The following CCDC158 variants were observed in gnomAD, a reference collection of about 807,000 sequenced individuals.
The protein encoded by CCDC158 is coiled-coil domain-containing protein 158.
In CCDC158, 116 loss-of-function variants were observed where a neutral mutation model predicts 138.6. That is an observed-to-expected ratio of 0.84 (90% CI 0.72 to 0.98). CCDC158 has a LOEUF of 0.98. CCDC158 is among the 50% of genes least tolerant of loss of function. The probability of loss-of-function intolerance (pLI) is 0.00; values close to 1 mark genes in which losing one functional copy is unlikely to be tolerated. For synonymous variants in CCDC158, 436 were observed against 442.4 expected (o/e 0.99, Z 0.18); for missense variants, 1,265 against 1,306.1 (o/e 0.97, Z 0.48).
At chr4:76,420,606 C>T (rs1217303816) in intron 1 of CCDC158, among the ~76,000 whole-genome samples, 2 of 152,228 alleles carry the variant, frequency 1.3e-5, no homozygotes, top group Non-Finnish European at 2.9e-5. Flanking sequence ...TCCTCTCTAC[C>T]ACCAAGTCTT....
Position 76,354,233 on chromosome 4 carries a change from C to CAA in CCDC158, c.2287-954_2287-953dup, listed in dbSNP as rs749565764. Among the ~76,000 whole-genome samples the CAA allele has an allele frequency of 6.4e-3, 405 of 63,760 alleles. 2 individuals carry two copies. The highest frequency in any genetic ancestry group is 0.016 in the African/African-American group (267 of 16,588). 41.8% of individuals were successfully genotyped at this position (63,760 alleles called of 152,430 possible). A position where few individuals can be genotyped will look rare whatever the true frequency, so the allele number is the denominator to read the frequency against. ...AAGCACTGCTTTAGGTTCCCAAAGG[C>CAA]AAAAAAAAAAAAAAAAAAAAAAAGG... On this transcript the variant is annotated intron_variant, in intron 15 of 24. Coordinates refer to ENST00000682701, the MANE Select transcript of CCDC158 (RefSeq NM_001394954.1).
chr4:76,323,485 T>A, intron 23 of CCDC158, 76 bp from the exon 24 acceptor site: 1 of 1,147,588 alleles, frequency 8.7e-7, no homozygotes, highest in Non-Finnish European at 1.2e-6. Context: ...AATTAAAGGC[T>A]AAACAATTTT....
chr4:76,388,416 C>T (rs1426351328), intron 4 of CCDC158, among the ~76,000 whole-genome samples: 2 of 152,062 alleles, frequency 1.3e-5, no homozygotes, highest in African/African-American at 4.8e-5. Flanking sequence ...ATCAAAGAGC[C>T]CTTGGCTTTA....
At chr4:76,362,494 C>A (rs115337589) in intron 12 of CCDC158, among the ~76,000 whole-genome samples, 179 bp from the exon 13 acceptor site, 319 of 152,250 alleles carry the variant, frequency 2.1e-3, no homozygotes, top group African/African-American at 7.5e-3. Context: ...TCCCAGGACA[C>A]TAAATTTGTA....
At position 76,379,402 on chromosome 4, in the gene CCDC158, T is replaced by C; in HGVS notation, c.917A>G (p.Glu306Gly). The C allele has an allele frequency of 6.3e-7, 1 of 1,589,050 alleles. No homozygotes were observed. The highest frequency in any genetic ancestry group is 1.3e-5 in the African/African-American group (1 of 74,284). Residue 306 changes from glutamate (E) to glycine (G), a missense_variant and splice_region_variant, in exon 9 of 25, where the codon GAG (glutamate) becomes GGG (glycine). Coordinates refer to ENST00000682701, the MANE Select transcript of CCDC158 (RefSeq NM_001394954.1). ...CATAGAGTTTTGGTTTCTTGCTTGC[T>C]CTCTAAGAAGAGTTTAGAAGGGGAA... ...SIQSQMEIIQEQARNQNSMYM... is the reference protein window; with the variant it reads ...SIQSQMEIIQGQARNQNSMYM...
chr4:76,381,368 A>C (rs1467940061), intron 8 of CCDC158, among the ~76,000 whole-genome samples: 1 of 152,232 alleles, frequency 6.6e-6, no homozygotes. Flanking sequence ...GCCTTGCATC[A>C]GTGTGCCCTG....
chr4:76,360,552 C>T (rs1382346271), intron 13 of CCDC158, among the ~76,000 whole-genome samples: 2 of 152,250 alleles, frequency 1.3e-5, no homozygotes, highest in East Asian at 1.9e-4. Flanking sequence ...CCACCCCTTA[C>T]ATCAGCATGC....
At chr4:76,419,383 A>G (rs1729938504) in intron 1 of CCDC158, among the ~76,000 whole-genome samples, 2 of 152,214 alleles carry the variant, frequency 1.3e-5, no homozygotes, top group African/African-American at 4.8e-5. Flanking sequence ...CATATGTATT[A>G]GTTCCCTACA....
intron 9 of CCDC158, chr4:76,375,819 A>G: frequency 1.9e-6 from 1 of 534,286 alleles, no homozygotes; most frequent in African/African-American, 1.9e-5. Flanking sequence ...CCAGCATAAA[A>G]TAACTGTGTT....
At chr4:76,356,373 T>C (rs1289438227) in intron 14 of CCDC158, among the ~76,000 whole-genome samples, 1 of 3,736 alleles carries the variant, frequency 2.7e-4, no homozygotes, top group Non-Finnish European at 7.2e-4. Flanking sequence ...AAAACAAATG[T>C]TTTTTTTTTT....
At chr4:76,341,263 C>T (rs1190634786) in intron 18 of CCDC158, among the ~76,000 whole-genome samples, 2 of 152,096 alleles carry the variant, frequency 1.3e-5, no homozygotes, top group Non-Finnish European at 2.9e-5. Flanking sequence ...TACTCCTCAA[C>T]CAGTTCTGTC....
intron 10 of CCDC158, among the ~76,000 whole-genome samples, chr4:76,370,889 G>A (rs1317158779): frequency 6.6e-6 from 1 of 152,088 alleles, no homozygotes; most frequent in Non-Finnish European, 1.5e-5. Flanking sequence ...CTGGAATGGG[G>A]TTTGGTAAGC....
intron 12 of CCDC158, among the ~76,000 whole-genome samples, chr4:76,366,365 A>C (rs1292771119): frequency 6.6e-6 from 1 of 152,230 alleles, no homozygotes; most frequent in Admixed American, 6.5e-5. Flanking sequence ...TATTTTTAGA[A>C]GGAGGAAACT....
intron 9 of CCDC158, among the ~76,000 whole-genome samples, chr4:76,373,308 ATATCT>A (rs1156306547): frequency 6.6e-6 from 1 of 152,232 alleles, no homozygotes; most frequent in Non-Finnish European, 1.5e-5. Flanking sequence ...TTATATGGTG[ATATCT>A]TAACTTTAAG....
intron 1 of CCDC158, among the ~76,000 whole-genome samples, chr4:76,414,609 G>A (rs908436860): frequency 2.3e-4 from 35 of 152,328 alleles, no homozygotes; most frequent in African/African-American, 8.2e-4. Flanking sequence ...TCCCACGTGT[G>A]TGGGAGGGAC....
chr4:76,411,713 G>C (rs960631752), intron 2 of CCDC158, among the ~76,000 whole-genome samples: 1 of 152,154 alleles, frequency 6.6e-6, no homozygotes, highest in Admixed American at 6.5e-5. Flanking sequence ...GTGAGAGCAT[G>C]GGCAGACCTT....
chr4:76,319,801 C>A (rs1719836644), intron 24 of CCDC158, among the ~76,000 whole-genome samples: 1 of 151,832 alleles, frequency 6.6e-6, no homozygotes, highest in Non-Finnish European at 1.5e-5. Context: ...TCAAGGTAAC[C>A]AAAACCATCT....
chr4:76,368,970 C>A lies in CCDC158; in HGVS notation c.1347+456G>T, dbSNP rs145137442. Among the ~76,000 whole-genome samples, 61 of 152,062 alleles carry A rather than the reference C, an allele frequency of 4.0e-4. 1 individual carries two copies. The highest frequency in any genetic ancestry group is 6.5e-5 in the Admixed American group (1 of 15,276). The stretch of plus-strand genomic sequence containing the variant: ...GTGGCTCACGCCTGTAATCTCAGCA[C>A]CTTGGGAGGCTGAGGTGGGCAGATC... On this transcript the variant is annotated intron_variant, in intron 11 of 24. Coordinates refer to ENST00000682701, the MANE Select transcript of CCDC158 (RefSeq NM_001394954.1).
At chr4:76,335,327 A>G (rs1721380815) in intron 18 of CCDC158, among the ~76,000 whole-genome samples, 1 of 152,184 alleles carries the variant, frequency 6.6e-6, no homozygotes, top group African/African-American at 2.4e-5. Context: ...GTTAATAAAG[A>G]AAAACTTATC....
Sources: allele counts gnomAD v4.1 joint callset (sites outside exome capture counted in the v4.1 genomes callset), GRCh38; gene constraint gnomAD v4.1.1; transcripts MANE v1.5; gene names NCBI Gene and HGNC (gene_info 2026-07-23, HGNC 2026-07-21).